The following CUBN variants were observed in gnomAD, a reference collection of about 807,000 sequenced individuals.
CUBN encodes 460 kDa receptor.
Under a neutral mutation model 405.3 loss-of-function variants are expected in CUBN, and 282 were observed. The observed-to-expected ratio is 0.70, with a 90% CI of 0.63 to 0.77. The LOEUF is 0.77. Ranked by LOEUF, CUBN falls within the 30% of genes least tolerant of loss-of-function variation. CUBN has a pLI of 0.00. For missense variants in CUBN, 4,514 were observed against 4,475.2 expected, an observed-to-expected ratio of 1.01 and a Z score of -0.25; for synonymous variants, 1,684 against 1,617.0, an observed-to-expected ratio of 1.04 and a Z score of -0.99.
At chr10:17,109,825 C>G in intron 9 of CUBN, 90 bp from the exon 10 acceptor site, 2 of 963,326 alleles carry the variant, frequency 2.1e-6, no homozygotes, top group East Asian at 4.8e-5. Flanking sequence ...ATGAAATGGA[C>G]CAATCAGGGA....
At chr10:16,937,516 G>A (rs1842544347) in intron 39 of CUBN, 76 bp downstream of exon 39, 2 of 1,282,504 alleles carry the variant, frequency 1.6e-6, no homozygotes, top group South Asian at 1.2e-5. Flanking sequence ...TCTGACCCCT[G>A]TTATGATAGG....
chr10:16,884,041 G>T, intron 56 of CUBN, among the ~76,000 whole-genome samples: 1 of 152,084 alleles, frequency 6.6e-6, no homozygotes, highest in East Asian at 1.9e-4. Context: ...GGGCAGTAGC[G>T]CAATCTTGGC....
intron 28 of CUBN, among the ~76,000 whole-genome samples, chr10:16,996,266 G>A (rs576372959): frequency 6.6e-6 from 1 of 152,312 alleles, no homozygotes; most frequent in African/African-American, 2.4e-5. Flanking sequence ...ATGCCCTGAA[G>A]AGAAGCCTAT....
chr10:16,956,927 A>G (rs1843082271), intron 31 of CUBN, among the ~76,000 whole-genome samples: 1 of 152,152 alleles, frequency 6.6e-6, no homozygotes, highest in African/African-American at 2.4e-5. Flanking sequence ...TATGAGGGAT[A>G]GTGTGATGTT....
chr10:16,963,196 C>CTTTTTTTTTTTTTTTTTTT (rs200023246), intron 31 of CUBN, among the ~76,000 whole-genome samples: 4 of 83,974 alleles, frequency 4.8e-5, no homozygotes, highest in Admixed American at 1.8e-4. Flanking sequence ...TCTTTTTTTT[C>CTTTTTTTTTTTTTTTTTTT]TTTTTTTTTT....
chr10:16,905,180 G>A (rs1485710836), intron 50 of CUBN, among the ~76,000 whole-genome samples: 3 of 152,086 alleles, frequency 2.0e-5, no homozygotes, highest in Non-Finnish European at 2.9e-5. Flanking sequence ...GGATGATTAC[G>A]TACTATTTAC....
intron 28 of CUBN, among the ~76,000 whole-genome samples, chr10:16,995,438 G>A (rs1833706590): frequency 6.6e-6 from 1 of 152,154 alleles, no homozygotes. Context: ...AAAGTTTTTA[G>A]CTAAATGTTG....
intron 27 of CUBN, chr10:17,023,723 T>C (rs1834572221): frequency 2.4e-6 from 1 of 412,492 alleles, no homozygotes; most frequent in South Asian, 1.7e-5. Context: ...GAAGTTCTAA[T>C]TGAGTTACAG....
At chr10:16,936,109 G>C (rs1205644941) in intron 39 of CUBN, among the ~76,000 whole-genome samples, 1 of 151,648 alleles carries the variant, frequency 6.6e-6, no homozygotes, top group Non-Finnish European at 1.5e-5. Context: ...GAAAAATAAG[G>C]TTTATGGCTC....
chr10:16,902,601 A>G (rs183326041), intron 51 of CUBN, among the ~76,000 whole-genome samples: 1 of 152,232 alleles, frequency 6.6e-6, no homozygotes, highest in East Asian at 1.9e-4. Flanking sequence ...GAGTGAGTAG[A>G]TAATCAATTT....
chr10:16,894,478 G>A (rs1588627048), intron 54 of CUBN, among the ~76,000 whole-genome samples: 1 of 152,100 alleles, frequency 6.6e-6, no homozygotes, highest in East Asian at 1.9e-4. Context: ...TTCCTACATT[G>A]GAAAGTTTTT....
At chr10:16,928,772 C>T in intron 40 of CUBN, among the ~76,000 whole-genome samples, 1 of 151,912 alleles carries the variant, frequency 6.6e-6, no homozygotes, top group Non-Finnish European at 1.5e-5. Context: ...CTCAAGTGAT[C>T]CGCCCTCCTC....
chr10:16,903,161 C>T (rs1841445643), intron 51 of CUBN, among the ~76,000 whole-genome samples: 4 of 152,184 alleles, frequency 2.6e-5, no homozygotes, highest in African/African-American at 9.6e-5. Context: ...TCATATAATT[C>T]ATCACATTAA....
chr10:16,891,775 T>C (rs977441319), intron 54 of CUBN, among the ~76,000 whole-genome samples: 2 of 152,114 alleles, frequency 1.3e-5, no homozygotes, highest in Admixed American at 6.5e-5. Context: ...TTCAGAGGTC[T>C]CAACTAGGAG....
rs73592350 is a variant in CUBN at position 16,888,363 on chromosome 10, T to C, written c.8905+54A>G. On this transcript the variant is annotated intron_variant, in intron 56 of 66. Coordinates refer to ENST00000377833, the MANE Select transcript of CUBN (RefSeq NM_001081.4). ...GTCAAAACATGTTGTACACCATAAA[T>C]ATACAATTTTTGTTTGTCAATTAAA... 7.0e-3 allele frequency: 9,798 copies of C among 1,391,778 alleles called. 530 individuals are homozygous for C. The African/African-American group carries it at 0.12, about 17-fold the overall frequency. The allele number at this position is 1,391,778 out of a possible 1,614,324, so 86.2% of individuals were successfully genotyped here.
intron 14 of CUBN, among the ~76,000 whole-genome samples, chr10:17,093,669 G>A (rs994897447): frequency 6.6e-6 from 1 of 151,710 alleles, no homozygotes; most frequent in Non-Finnish European, 1.5e-5. Context: ...AGGCCTGTGA[G>A]GAAGTAGTAA....
intron 4 of CUBN, among the ~76,000 whole-genome samples, chr10:17,124,249 A>G (rs1002193240): frequency 4.6e-5 from 7 of 152,030 alleles, no homozygotes; most frequent in African/African-American, 1.7e-4. Context: ...CCTGGTGCTC[A>G]CCTGACTGCT....
chr10:17,080,075 A>T (rs933050850), intron 17 of CUBN, among the ~76,000 whole-genome samples: 2 of 152,108 alleles, frequency 1.3e-5, no homozygotes, highest in Admixed American at 6.6e-5. Flanking sequence ...CTTCTTTTAA[A>T]TCTTAAAGAT....
chr10:17,122,694 T>A (rs1322660953), intron 6 of CUBN, 101 bp downstream of exon 6: 3 of 748,982 alleles, frequency 4.0e-6, no homozygotes, highest in Non-Finnish European at 7.1e-6. Context: ...TACCAACTTT[T>A]GGTGGAATAC....
Sources: allele counts gnomAD v4.1 joint callset (sites outside exome capture counted in the v4.1 genomes callset), GRCh38; gene constraint gnomAD v4.1.1; transcripts MANE v1.5; gene names NCBI Gene and HGNC (gene_info 2026-07-23, HGNC 2026-07-21).